The following HHLA2 variants were observed in gnomAD, a reference collection of about 807,000 sequenced individuals.
The protein encoded by HHLA2 is HHLA2 member of B7 family.
HHLA2 carries 48 observed loss-of-function variants against 45.9 expected under a neutral mutation model. That is an observed-to-expected ratio of 1.05 (90% CI 0.83 to 1.33). The LOEUF is 1.33. Ranked by LOEUF, HHLA2 falls within the 40% of genes most tolerant of loss-of-function variation. The pLI is 0.00. For synonymous variants in HHLA2, 161 were observed against 173.9 expected (o/e 0.93, Z 0.59); for missense variants, 462 against 494.3 (o/e 0.93, Z 0.62).
intron 1 of HHLA2, among the ~76,000 whole-genome samples, chr3:108,309,272 T>C (rs996435219): frequency 3.9e-5 from 6 of 152,238 alleles, no homozygotes; most frequent in African/African-American, 1.4e-4. Flanking sequence ...GACTATCTTT[T>C]CCCCAGTGAA....
exon 6 of HHLA2, chr3:108,355,263 T>C (rs765076780): frequency 3.1e-6 from 5 of 1,613,768 alleles, no homozygotes; most frequent in Non-Finnish European, 4.2e-6. Flanking sequence ...AAACAGGGTC[T>C]TTGGATTCTT....
In HHLA2 at chr3:108,353,482, T is replaced by G. The variant is rs58233893; in HGVS notation, c.120T>G (p.Ile40Met). The G allele has an allele frequency of 1.3e-3, 2,055 of 1,605,448 alleles. 14 individuals are homozygous for G. The African/African-American group carries it at 0.023, about 18-fold the overall frequency. The change falls in exon 5 of 11, where the codon ATT becomes ATG. Residue 40 changes from isoleucine to methionine, a missense_variant. Physicochemically the swap from Ile to Met is conservative, Grantham distance 10. Coordinates refer to ENST00000619531, the Ensembl canonical transcript of HHLA2. Reference sequence around the variant, plus strand: ...TTCCTATGAATGAACAAATCGTCATTGGAAGACTTGATGAAGATATAATTC... The same window carrying G: ...TTCCTATGAATGAACAAATCGTCATGGGAAGACTTGATGAAGATATAATTC...
chr3:108,297,511 A>C (rs2080780153), intron 1 of HHLA2, among the ~76,000 whole-genome samples: 1 of 152,218 alleles, frequency 6.6e-6, no homozygotes, highest in South Asian at 2.1e-4. Flanking sequence ...AATCTGTAAA[A>C]TGGGGGTAGA....
chr3:108,368,183 T>G (rs568500951), intron 8 of HHLA2, among the ~76,000 whole-genome samples: 3 of 152,110 alleles, frequency 2.0e-5, no homozygotes, highest in Non-Finnish European at 4.4e-5. Flanking sequence ...CCACTAGGCC[T>G]GCCTTACAAG....
rs578101859 is a variant in HHLA2 at position 108,364,695 on chromosome 3, G to A, written c.1108+2249G>A. 1.7e-3 allele frequency among the ~76,000 whole-genome samples: 256 copies of A among 152,224 alleles called. 1 individual carries two copies. The highest frequency in any genetic ancestry group is 6.0e-3 in the African/African-American group (250 of 41,524). ...TTTTTAATGATCACCATTCTAACTG[G>A]TATGAGATGGTATCTCATTGTGGTT... On this transcript the variant is annotated intron_variant, in intron 8 of 10. Coordinates refer to ENST00000619531, the Ensembl canonical transcript of HHLA2.
At chr3:108,329,048 A>G (rs1264870033) in intron 3 of HHLA2, among the ~76,000 whole-genome samples, 2 of 152,222 alleles carry the variant, frequency 1.3e-5, no homozygotes, top group Non-Finnish European at 2.9e-5. Context: ...CAGTTGGCTC[A>G]GTACCCAGAG....
intron 1 of HHLA2, among the ~76,000 whole-genome samples, chr3:108,297,678 G>T (rs190535398): frequency 3.5e-4 from 53 of 152,248 alleles, no homozygotes; most frequent in Middle Eastern, 3.4e-3. Context: ...AAAGTTTGGT[G>T]GCTCTTAAAT....
At chr3:108,338,481 C>T (rs1480884765) in intron 3 of HHLA2, among the ~76,000 whole-genome samples, 2 of 152,092 alleles carry the variant, frequency 1.3e-5, no homozygotes, top group African/African-American at 2.4e-5. Flanking sequence ...CATGTGTGCT[C>T]CTATGCACTT....
At chr3:108,308,263 T>C (rs1479749163) in intron 1 of HHLA2, among the ~76,000 whole-genome samples, 1 of 152,200 alleles carries the variant, frequency 6.6e-6, no homozygotes, top group Non-Finnish European at 1.5e-5. Context: ...ACATGTGACG[T>C]TTGTCTTTCT....
intron 2 of HHLA2, among the ~76,000 whole-genome samples, chr3:108,325,117 A>G (rs1279806295): frequency 6.6e-6 from 1 of 151,884 alleles, no homozygotes; most frequent in Non-Finnish European, 1.5e-5. Context: ...TATGTTTAAA[A>G]TTTATATATT....
chr3:108,376,795 T>C (rs1379015360), intron 10 of HHLA2: 1 of 427,388 alleles, frequency 2.3e-6, no homozygotes, highest in East Asian at 4.1e-5. Context: ...CTCCTATTGT[T>C]ATTTGTAGAG....
rs111477207 is a variant in HHLA2, at chr3:108,376,477, T to C, written c.1160-16T>C. 528 of 1,532,576 alleles carry C rather than the reference T, an allele frequency of 3.4e-4. 2 individuals are homozygous for C. In the African/African-American group the frequency reaches 6.2e-3, roughly 18 times the overall value. The allele number at this position is 1,532,576 out of a possible 1,614,324, so 94.9% of individuals were successfully genotyped here. A position where few individuals can be genotyped will look rare whatever the true frequency, so the allele number is the denominator to read the frequency against. ...GCAAAGAAATTATTTTTAAGTTCTC[T>C]TTTTTTTTCCTGTAGAAAGATGTTG... On this transcript the variant is annotated splice_polypyrimidine_tract_variant and intron_variant, in intron 9 of 10. Transcript: ENST00000619531.
At chr3:108,341,282 T>A (rs553100736) in intron 3 of HHLA2, among the ~76,000 whole-genome samples, 2 of 152,258 alleles carry the variant, frequency 1.3e-5, no homozygotes, top group Admixed American at 1.3e-4. Flanking sequence ...AAAAGAAAAT[T>A]CCCACATTTG....
intron 1 of HHLA2, among the ~76,000 whole-genome samples, chr3:108,301,882 A>AGTGACTCGC (rs1560177513): frequency 2.0e-5 from 3 of 152,028 alleles, no homozygotes; most frequent in African/African-American, 7.3e-5. Context: ...GAGTGACTCG[A>AGTGACTCGC]GTGACTCGCA....
chr3:108,324,748 G>A (rs1048970749), intron 2 of HHLA2, among the ~76,000 whole-genome samples: 7 of 152,176 alleles, frequency 4.6e-5, no homozygotes, highest in Non-Finnish European at 7.3e-5. Context: ...TTTTGTGTCT[G>A]ACTTACTCCG....
chr3:108,355,684 TTAATGTATTTGTCAA>T, intron 6 of HHLA2, among the ~76,000 whole-genome samples: 1 of 152,240 alleles, frequency 6.6e-6, no homozygotes, highest in South Asian at 2.1e-4. Context: ...TTCTTGAATA[TTAATGTATTTGTCAA>T]TGGCTCATCC....
At chr3:108,352,026 A>G in intron 4 of HHLA2, 149 bp downstream of exon 3, 1 of 574,260 alleles carries the variant, frequency 1.7e-6, no homozygotes, top group Non-Finnish European at 3.1e-6. Flanking sequence ...ACAGGCTGGA[A>G]GTCTGCATGA....
intron 7 of HHLA2, 78 bp from the exon 7 acceptor site, chr3:108,362,263 AC>A: frequency 1.0e-6 from 1 of 983,768 alleles, no homozygotes; most frequent in Non-Finnish European, 1.5e-6. Flanking sequence ...AACATACTCC[AC>A]CCTTACCCAC....
At chr3:108,363,159 A>G (rs1330193318) in intron 8 of HHLA2, among the ~76,000 whole-genome samples, 1 of 152,228 alleles carries the variant, frequency 6.6e-6, no homozygotes, top group Non-Finnish European at 1.5e-5. Context: ...ACTTTCCTAA[A>G]GTACTTTGCT....
Sources: gnomAD v4.1 joint callset for allele counts (sites outside exome capture counted in the v4.1 genomes callset) on GRCh38, gnomAD v4.1.1 for gene constraint, MANE v1.5 for transcripts, NCBI Gene and HGNC (gene_info 2026-07-23, HGNC 2026-07-21) for gene names.